RGPD2: variants seen among roughly 807,000 people sequenced by gnomAD.
The protein encoded by RGPD2 is RANBP2-like and GRIP domain-containing protein 2.
A neutral mutation model predicts 36.0 loss-of-function variants in RGPD2; 2 were observed. That is an observed-to-expected ratio of 0.06 (90% CI 0.02 to 0.17). The LOEUF (loss-of-function observed/expected upper bound fraction) is 0.17. Among genes scored for constraint, RGPD2 ranks in the 10% least tolerant of loss-of-function variants. RGPD2 has a pLI of 1.00. For synonymous variants in RGPD2, 19 were observed against 163.8 expected (o/e 0.12, Z 6.75); for missense variants, 40 against 464.3 (o/e 0.09, Z 8.40).
the RGPD2 span, among the ~76,000 whole-genome samples, chr2:87,960,222 T>C: frequency 6.6e-6 from 1 of 151,670 alleles, no homozygotes; most frequent in African/African-American, 2.4e-5. Flanking sequence ...AGCCCATTAT[T>C]ATTAGTCCAT....
chr2:87,914,911 T>C, the RGPD2 span, among the ~76,000 whole-genome samples: 2 of 152,142 alleles, frequency 1.3e-5, no homozygotes, highest in East Asian at 1.9e-4. Context: ...AGGAAACTTG[T>C]CTGAGGCAGG....
At chr2:87,886,256 T>C in the RGPD2 span, among the ~76,000 whole-genome samples, 2 of 151,850 alleles carry the variant, frequency 1.3e-5, no homozygotes, top group African/African-American at 2.4e-5. Flanking sequence ...CTTTCCTCCT[T>C]ACCAGATTCT....
At chr2:87,866,609 G>T in the RGPD2 span, among the ~76,000 whole-genome samples, 1 of 152,272 alleles carries the variant, frequency 6.6e-6, no homozygotes, top group African/African-American at 2.4e-5. Flanking sequence ...TCTAGCCAAA[G>T]ATCCACAGCC....
the RGPD2 span, among the ~76,000 whole-genome samples, chr2:87,924,437 G>A: frequency 3.3e-5 from 5 of 150,748 alleles, no homozygotes; most frequent in East Asian, 7.8e-4. Flanking sequence ...AGGATTCTCA[G>A]CTTTTCTGTT....
the RGPD2 span, among the ~76,000 whole-genome samples, chr2:87,970,477 A>G: frequency 6.6e-6 from 1 of 151,980 alleles, no homozygotes; most frequent in Non-Finnish European, 1.5e-5. Context: ...GGCAGCACTG[A>G]GAAAATTATC....
At chr2:87,877,323 T>C in the RGPD2 span, among the ~76,000 whole-genome samples, 1 of 152,240 alleles carries the variant, frequency 6.6e-6, no homozygotes, top group Admixed American at 6.5e-5. Context: ...TTCAGTGTGT[T>C]TTTGTAGTGT....
chr2:87,824,717 CGCCGCCGCCGCCCG>C (rs1686551134), intron 1 of RGPD2, among the ~76,000 whole-genome samples: 1 of 122,462 alleles, frequency 8.2e-6, no homozygotes, highest in Non-Finnish European at 1.9e-5. Context: ...AGGCCGAGGC[CGCCGCCGCCGCCCG>C]GCCAGGCCGA....
the RGPD2 span, among the ~76,000 whole-genome samples, chr2:87,853,721 G>T: frequency 0.1 from 14,360 of 139,988 alleles, 838 homozygotes; most frequent in South Asian, 0.26. Context: ...ATTATATTTT[G>T]CTTTCATACT....
chr2:87,971,831 G>A, the RGPD2 span, among the ~76,000 whole-genome samples: 1 of 152,226 alleles, frequency 6.6e-6, no homozygotes, highest in South Asian at 2.1e-4. Context: ...ATTTACAATA[G>A]AGAAAGCTTG....
At chr2:87,943,691 G>A in the RGPD2 span, among the ~76,000 whole-genome samples, 1 of 151,796 alleles carries the variant, frequency 6.6e-6, no homozygotes, top group Non-Finnish European at 1.5e-5. Context: ...AGCTTTTGAA[G>A]TCTTTCCTAT....
chr2:87,940,882 C>A, the RGPD2 span, among the ~76,000 whole-genome samples: 1 of 151,512 alleles, frequency 6.6e-6, no homozygotes, highest in Non-Finnish European at 1.5e-5. Context: ...AATTACAAAT[C>A]AATATCCACA....
chr2:87,989,525 A>G, the RGPD2 span, among the ~76,000 whole-genome samples: 8 of 152,128 alleles, frequency 5.3e-5, no homozygotes, highest in Admixed American at 1.3e-4. Flanking sequence ...ACTGTAGAAA[A>G]CAAGCAGAAT....
the RGPD2 span, among the ~76,000 whole-genome samples, chr2:87,842,782 G>C: frequency 2.6e-5 from 4 of 151,860 alleles, no homozygotes; most frequent in Non-Finnish European, 5.9e-5. Context: ...AACAAAGCTG[G>C]AGGCATCACA....
At chr2:87,825,140 C>CAA (rs1378404271) in intron 1 of RGPD2, 2 of 391,350 alleles carry the variant, frequency 5.1e-6, no homozygotes, top group Non-Finnish European at 9.0e-6. Context: ...ATTGCCCCCA[C>CAA]AATCCTAGGT....
At chr2:87,877,749 G>C in the RGPD2 span, among the ~76,000 whole-genome samples, 2 of 127,404 alleles carry the variant, frequency 1.6e-5, no homozygotes, top group Admixed American at 9.5e-5. Context: ...AGCTTGCAGT[G>C]AACTGAGGTC....
At chr2:87,868,700 T>G in the RGPD2 span, among the ~76,000 whole-genome samples, 1 of 152,056 alleles carries the variant, frequency 6.6e-6, no homozygotes, top group South Asian at 2.1e-4. Flanking sequence ...TCAAGTCCTT[T>G]GCCCTTGCTA....
chr2:87,963,136 TTTAA>T, the RGPD2 span, among the ~76,000 whole-genome samples: 1 of 151,976 alleles, frequency 6.6e-6, no homozygotes, highest in African/African-American at 2.4e-5. Flanking sequence ...AATAATAATA[TTTAA>T]TTAATTTAAA....
the RGPD2 span, among the ~76,000 whole-genome samples, chr2:87,897,120 A>G: frequency 1.3e-5 from 2 of 151,660 alleles, no homozygotes; most frequent in African/African-American, 4.8e-5. Context: ...ACAAAACTTA[A>G]CCATTTGTTA....
At chr2:87,980,529 TA>T in the RGPD2 span, among the ~76,000 whole-genome samples, 2 of 46,714 alleles carry the variant, frequency 4.3e-5, no homozygotes, top group South Asian at 1.5e-3. Context: ...AATTTTTGGA[TA>T]ATCATTAAAG....
Sources: gnomAD v4.1 joint callset for allele counts (sites outside exome capture counted in the v4.1 genomes callset) on GRCh38, gnomAD v4.1.1 for gene constraint, MANE v1.5 for transcripts, NCBI Gene and HGNC (gene_info 2026-07-23, HGNC 2026-07-21) for gene names.